CCDC194: variants seen among roughly 807,000 people sequenced by gnomAD.
The protein encoded by CCDC194 is coiled-coil domain-containing protein 194.
A neutral mutation model predicts 4.9 loss-of-function variants in CCDC194; 8 were observed. The observed-to-expected ratio is 1.65, with a 90% confidence interval of 0.97 to 2.97. CCDC194 has a LOEUF of 2.97. Ranked by LOEUF, CCDC194 falls within the 30% of genes most tolerant of loss-of-function variation. CCDC194 has a pLI of 0.00. For missense variants in CCDC194, 52 were observed against 43.1 expected, an observed-to-expected ratio of 1.21 and a Z score of -0.58; for synonymous variants, 13 against 17.0, an observed-to-expected ratio of 0.76 and a Z score of 0.58.
downstream of CCDC194, among the ~76,000 whole-genome samples, chr19:17,388,137 C>A (rs532654384): frequency 4.6e-5 from 7 of 151,400 alleles, no homozygotes; most frequent in Non-Finnish European, 8.8e-5. Flanking sequence ...CCGCCCGCCT[C>A]GGCCTCCCAA....
intron 1 of CCDC194, among the ~76,000 whole-genome samples, chr19:17,392,978 G>A (rs1436151202): frequency 3.3e-5 from 5 of 152,110 alleles, no homozygotes; most frequent in South Asian, 2.1e-4. Flanking sequence ...CACTGCGCCC[G>A]GCCCCATTTT....
chr19:17,390,463 C>A (rs975921455), downstream of CCDC194: 121 of 383,936 alleles, frequency 3.2e-4, no homozygotes, highest in Non-Finnish European at 4.7e-4. This position sits in a 1 kb window ranked among gnomAD's most constrained non-coding sequence, Gnocchi z 5.5. Flanking sequence ...ACCCCCCCCC[C>A]ATATGTGTCC....
At chr19:17,392,272 A>C (rs906842399) in intron 1 of CCDC194, 1 of 153,746 alleles carries the variant, frequency 6.5e-6, no homozygotes, top group African/African-American at 2.4e-5. Context: ...CAGGAGTTCG[A>C]GACTAGCCTG....
chr19:17,388,930 C>T (rs547270436), downstream of CCDC194, among the ~76,000 whole-genome samples: 1 of 152,200 alleles, frequency 6.6e-6, no homozygotes, highest in East Asian at 1.9e-4. Flanking sequence ...ACTTGACGTC[C>T]TGGGCTCAAG....
At chr19:17,390,372 A>G, downstream of CCDC194, 1 of 382,144 alleles carries the variant, frequency 2.6e-6, no homozygotes, top group Non-Finnish European at 4.6e-6. This position sits in a 1 kb window ranked among gnomAD's most constrained non-coding sequence, Gnocchi z 5.5. Context: ...CTTTCTGTGC[A>G]GTTTCCGTTC....
rs552512584 is a variant in CCDC194, at chr19:17,391,639, T to C, written c.421+111A>G. The C allele has an allele frequency of 2.6e-6, 4 of 1,532,686 alleles. No homozygotes were observed. The South Asian group carries it at 4.8e-5, about 18-fold the overall frequency. The allele number at this position is 1,532,686 out of a possible 1,614,324, so 94.9% of individuals were successfully genotyped here. A position where few individuals can be genotyped will look rare whatever the true frequency, so the allele number is the denominator to read the frequency against. On this transcript the variant is annotated intron_variant, in intron 2 of 3. Transcript: ENST00000636079. ...CATTCTTTTCATAAGTTTTTGCGTTTATATCCGTGTTATTTGCATTACGTT... is the reference window on the plus strand; with the variant it reads ...CATTCTTTTCATAAGTTTTTGCGTTCATATCCGTGTTATTTGCATTACGTT...
downstream of CCDC194, among the ~76,000 whole-genome samples, chr19:17,389,830 T>C (rs138622563): frequency 2.0e-5 from 3 of 152,214 alleles, no homozygotes; most frequent in African/African-American, 7.2e-5. Flanking sequence ...CTGGGCGTAG[T>C]GGTGGGGGCC....
chr19:17,388,782 C>T (rs1320273207), downstream of CCDC194, among the ~76,000 whole-genome samples: 1 of 151,676 alleles, frequency 6.6e-6, no homozygotes, highest in Admixed American at 6.6e-5. Context: ...GGCTTACAGG[C>T]ATGAACCACT....
chr19:17,391,711 C>A, intron 2 of CCDC194, 39 bp downstream of exon 2: 1 of 1,535,676 alleles, frequency 6.5e-7, no homozygotes. Flanking sequence ...AGGCTCCTCC[C>A]ACTTCTATCC....
At chr19:17,393,985 C>T (rs1442838318) in exon 1 of CCDC194, 3 of 393,088 alleles carry the variant, frequency 7.6e-6, no homozygotes, top group South Asian at 1.3e-4. Context: ...GGTCCCCGGG[C>T]GGCGCCGTGG....
chr19:17,393,982 G>A (rs1013199573), exon 1 of CCDC194: 1 of 393,304 alleles, frequency 2.5e-6, no homozygotes. Flanking sequence ...GCGGGTCCCC[G>A]GGCGGCGCCG....
In CCDC194 at chr19:17,390,843, C is replaced by G. The variant is rs2074651474; in HGVS notation, c.555-184G>C. 6.6e-6 allele frequency among the ~76,000 whole-genome samples: 1 copy of G among 151,986 alleles called. No individual in the cohort carries two copies. Among genetic ancestry groups the G allele is most frequent in the Non-Finnish European group, 1.5e-5 (1 of 67,986 alleles). Reference sequence around the variant, plus strand: ...ACCCCCAGCCATTCCCGGGACGCCTCCCTAGAGACTCCCAGCTACATCCCC... The same window carrying G: ...ACCCCCAGCCATTCCCGGGACGCCTGCCTAGAGACTCCCAGCTACATCCCC... On this transcript the variant is annotated intron_variant, in intron 3 of 3. Transcript: ENST00000636079. This position sits in a 1 kb window ranked among gnomAD's most constrained non-coding sequence, Gnocchi z 5.5.
intron 1 of CCDC194, 65 bp from the exon 2 acceptor site, chr19:17,391,911 C>A (rs1266436231): frequency 2.8e-6 from 4 of 1,407,788 alleles, no homozygotes; most frequent in East Asian, 2.6e-5. Context: ...TTCGGCCTGG[C>A]CCTTTTGGGG....
downstream of CCDC194, among the ~76,000 whole-genome samples, chr19:17,387,437 G>A (rs1416514028): frequency 6.6e-6 from 1 of 152,016 alleles, no homozygotes; most frequent in Non-Finnish European, 1.5e-5. Flanking sequence ...AAAAACGGGG[G>A]CCGGGCACAG....
chr19:17,392,560 G>C (rs1264811231), intron 1 of CCDC194, among the ~76,000 whole-genome samples: 1 of 152,196 alleles, frequency 6.6e-6, no homozygotes, highest in Non-Finnish European at 1.5e-5. Flanking sequence ...TGTGTCGGTT[G>C]CCTGTGTAGG....
At chr19:17,388,986 A>G (rs1008441269), downstream of CCDC194, among the ~76,000 whole-genome samples, 1 of 151,982 alleles carries the variant, frequency 6.6e-6, no homozygotes, top group East Asian at 1.9e-4. Flanking sequence ...CTACAGATGC[A>G]TGTCACCATG....
chr19:17,391,612 T>G (rs1005176314), intron 2 of CCDC194, 138 bp downstream of exon 2: 6 of 1,524,464 alleles, frequency 3.9e-6, no homozygotes, highest in Non-Finnish European at 5.3e-6. Context: ...GCATGTTGTT[T>G]GCATTCTTTT....
At chr19:17,389,645 G>T (rs569951924), downstream of CCDC194, among the ~76,000 whole-genome samples, 15 of 152,258 alleles carry the variant, frequency 9.9e-5, no homozygotes, top group African/African-American at 3.6e-4. Context: ...TCTGTCTCAG[G>T]CATAAGTCAC....
At chr19:17,391,331 C>A (rs1273079912) in exon 3 of CCDC194, 1 of 429,814 alleles carries the variant, frequency 2.3e-6, no homozygotes, top group Middle Eastern at 5.9e-4. Context: ...CGCCTCCCAG[C>A]GCGCCAGGGC....
Sources: gnomAD v4.1 joint callset for allele counts (sites outside exome capture counted in the v4.1 genomes callset) on GRCh38, gnomAD v4.1.1 for gene constraint, Gnocchi (gnomAD v3.1) non-coding constraint, MANE v1.5 for transcripts, NCBI Gene and HGNC (gene_info 2026-07-23, HGNC 2026-07-21) for gene names.